Variants in OSMR observed in about 807,000 individuals in gnomAD.
OSMR encodes oncostatin-M-specific receptor subunit beta.
Under a neutral mutation model 99.9 loss-of-function variants are expected in OSMR, and 81 were observed. The observed-to-expected ratio is 0.81, with a 90% confidence interval of 0.68 to 0.97. The LOEUF (loss-of-function observed/expected upper bound fraction) is 0.97. OSMR is among the 50% of genes least tolerant of loss of function. OSMR has a pLI of 0.00. For synonymous variants in OSMR, 406 were observed against 410.4 expected, an observed-to-expected ratio of 0.99 and a Z score of 0.13; for missense variants, 1,099 against 1,153.4, an observed-to-expected ratio of 0.95 and a Z score of 0.68.
chr5:38,935,718 TACTA>T (rs1746988723), downstream of OSMR: 2 of 152,212 alleles, frequency 1.3e-5, no homozygotes, highest in South Asian at 2.1e-4. Flanking sequence ...CTCATGAACT[TACTA>T]AATAAAAATG....
chr5:38,924,670 C>T, intron 14 of OSMR, 75 bp downstream of exon 14: 1 of 1,246,842 alleles, frequency 8.0e-7, no homozygotes, highest in Non-Finnish European at 1.2e-6. Context: ...ATAATGGCTG[C>T]CATCTCAGAC....
rs771250357 is a variant in OSMR at position 38,886,084 on chromosome 5, T to C, written c.885T>C (p.Asn295=). The change falls in exon 7 of 18, where the codon AAT becomes AAC. Residue 295 remains asparagine, a synonymous_variant. Coordinates refer to ENST00000274276, the MANE Select transcript of OSMR (RefSeq NM_003999.3). ...KKLCTHKNWC[N]WQITQDSQET... ...TTTGTACACACAAAAACTGGTGTAA[T>C]TGGCAAATAACTCAAGACTCACAAG... 4 of 1,613,642 alleles carry C rather than the reference T, an allele frequency of 2.5e-6. No individual in the cohort carries two copies. Among genetic ancestry groups the C allele is most frequent in the Admixed American group, 1.7e-5 (1 of 59,942 alleles).
rs375872506 is a variant in OSMR, at chr5:38,856,348, CAGA to C, written c.-14+9964_-14+9966del. ...TTTTGATATACTTTATTGATTTTAG[CAGA>C]AGGTTTTTGGGCAGTAGCTAGGACT... On this transcript the variant is annotated intron_variant, in intron 1 of 17. Transcript: ENST00000274276. 1.2e-4 allele frequency among the ~76,000 whole-genome samples: 18 copies of C among 152,278 alleles called. No homozygotes were observed. In the South Asian group the frequency reaches 3.7e-3, roughly 32 times the overall value.
intron 1 of OSMR, among the ~76,000 whole-genome samples, chr5:38,852,439 G>A (rs1258745391): frequency 1.3e-5 from 2 of 152,134 alleles, no homozygotes; most frequent in African/African-American, 2.4e-5. Context: ...GCTTATTTCT[G>A]TAAACTCTTA....
chr5:38,888,741 C>T (rs1383293804), intron 7 of OSMR, among the ~76,000 whole-genome samples: 9 of 152,076 alleles, frequency 5.9e-5, no homozygotes, highest in Non-Finnish European at 2.9e-5. Flanking sequence ...TGCTGCATCT[C>T]GTAAGTCCAC....
intron 9 of OSMR, among the ~76,000 whole-genome samples, chr5:38,908,130 C>T (rs357255): frequency 0.65 from 98,936 of 152,014 alleles, 32,488 homozygotes; most frequent in African/African-American, 0.71. Flanking sequence ...CTGCTGCAAA[C>T]CAGCACACAG....
chr5:38,936,289 A>AGTT (rs1175716330), downstream of OSMR, among the ~76,000 whole-genome samples: 6 of 152,008 alleles, frequency 3.9e-5, no homozygotes, highest in Non-Finnish European at 8.8e-5. Flanking sequence ...TCAATATCTG[A>AGTT]GTTCTCTAAA....
chr5:38,918,817 A>G lies in OSMR; in HGVS notation c.1363-23A>G, dbSNP rs776297101. 20 of 1,613,158 alleles carry G rather than the reference A, an allele frequency of 1.2e-5. No homozygotes were observed. In the East Asian group the frequency reaches 4.0e-4, roughly 32 times the overall value. On this transcript the variant is annotated intron_variant, in intron 10 of 17. Coordinates refer to ENST00000274276, the MANE Select transcript of OSMR (RefSeq NM_003999.3). The stretch of plus-strand genomic sequence containing the variant: ...CCTTTCAATTAAAACCCATTTAAAA[A>G]TGTTTATCAATATTTTTTTCAGCCA...
In OSMR at chr5:38,911,184, C is replaced by T. The variant is rs563398889; in HGVS notation, c.1286-6362C>T. Among the ~76,000 whole-genome samples, 6 of 152,206 alleles carry T rather than the reference C, an allele frequency of 3.9e-5. No homozygotes were observed. In the East Asian group the frequency reaches 9.6e-4, roughly 24 times the overall value. ...TAAGAAGAATAAGTTTCATAGATCACGACCTAGACTAATAAAGAATAAAAG... is the reference window on the plus strand; with the variant it reads ...TAAGAAGAATAAGTTTCATAGATCATGACCTAGACTAATAAAGAATAAAAG... On this transcript the variant is annotated intron_variant, in intron 9 of 17. Coordinates refer to ENST00000274276, the MANE Select transcript of OSMR (RefSeq NM_003999.3).
chr5:38,892,540 A>T (rs1476366083), intron 7 of OSMR, among the ~76,000 whole-genome samples: 1 of 152,068 alleles, frequency 6.6e-6, no homozygotes, highest in Non-Finnish European at 1.5e-5. Context: ...GGCTGACTCA[A>T]CTAGCCAACA....
At chr5:38,932,571 TATTAAGGACTA>T in intron 17 of OSMR, 36 bp downstream of exon 17, 2 of 1,582,874 alleles carry the variant, frequency 1.3e-6, no homozygotes, top group Non-Finnish European at 1.7e-6. Flanking sequence ...ACCATATACC[TATTAAGGACTA>T]ACCCAGAGTG....
intron 3 of OSMR, among the ~76,000 whole-genome samples, chr5:38,879,677 G>A (rs1333767814): frequency 1.4e-5 from 2 of 146,982 alleles, no homozygotes; most frequent in Non-Finnish European, 3.0e-5. Context: ...AGGGTGGAGT[G>A]CAGTGGCGCA....
intron 1 of OSMR, among the ~76,000 whole-genome samples, chr5:38,860,525 T>A (rs1171230367): frequency 2.0e-5 from 3 of 152,208 alleles, no homozygotes; most frequent in Non-Finnish European, 2.9e-5. Flanking sequence ...TGGCCTATAT[T>A]TTTCTTTTTT....
intron 1 of OSMR, among the ~76,000 whole-genome samples, chr5:38,861,895 C>T (rs1248973808): frequency 7.2e-5 from 10 of 138,184 alleles, no homozygotes; most frequent in Non-Finnish European, 1.3e-4. Flanking sequence ...ACCTCCCTCC[C>T]GGACGGGGCG....
At chr5:38,921,517 A>G (rs1746232317) in intron 11 of OSMR, 98 bp from the exon 12 acceptor site, 1 of 1,582,038 alleles carries the variant, frequency 6.3e-7, no homozygotes, top group African/African-American at 1.4e-5. Flanking sequence ...GTTACCTACT[A>G]GATACAGTGC....
In OSMR at chr5:38,876,389, G is replaced by T; in HGVS notation, c.246+16G>T. 6.2e-7 allele frequency: 1 copy of T among 1,603,858 alleles called. No individual in the cohort carries two copies. On this transcript the variant is annotated intron_variant, in intron 3 of 17. Coordinates refer to ENST00000274276, the MANE Select transcript of OSMR (RefSeq NM_003999.3). ...CATCTGGGTGGTAAGTAATTTTTTT[G>T]GCTCAATATTTAAAAAATCATCTTT...
chr5:38,925,345 C>T lies in OSMR; in HGVS notation c.2186C>T (p.Thr729Met), dbSNP rs370407842. 45 of 1,613,920 alleles carry T rather than the reference C, an allele frequency of 2.8e-5. No homozygotes were observed. Among genetic ancestry groups the T allele is most frequent in the South Asian group, 1.4e-4 (13 of 91,082 alleles). ...GGTGAAGGCCCCAGTGCTACGTTCACGAAGGTCACGACTCCGGATGAACAC... is the reference window on the plus strand; with the variant it reads ...GGTGAAGGCCCCAGTGCTACGTTCATGAAGGTCACGACTCCGGATGAACAC... ...SAGEGPSATF[T>M]KVTTPDEHSS... The change falls in exon 15 of 18, where the codon ACG (threonine) becomes ATG (methionine). Residue 729 changes from threonine (T) to methionine (M), a missense_variant. Thr to Met is a moderately conservative substitution (Grantham distance 81). Transcript: ENST00000274276.
At chr5:38,900,760 GT>G (rs1744836473) in intron 7 of OSMR, among the ~76,000 whole-genome samples, 1 of 138,722 alleles carries the variant, frequency 7.2e-6, no homozygotes, top group South Asian at 2.3e-4. Flanking sequence ...CCTTGTAGAA[GT>G]ATTTTTTTTG....
chr5:38,877,973 G>A (rs1047992984), intron 3 of OSMR, among the ~76,000 whole-genome samples: 2 of 152,128 alleles, frequency 1.3e-5, no homozygotes, highest in African/African-American at 4.8e-5. Context: ...ACCCTTCAGG[G>A]TAGAGTTTTG....
Sources: allele counts gnomAD v4.1 joint callset (sites outside exome capture counted in the v4.1 genomes callset), GRCh38; gene constraint gnomAD v4.1.1; transcripts MANE v1.5; gene names NCBI Gene and HGNC (gene_info 2026-07-23, HGNC 2026-07-21).